Variants in CDKL5 observed in about 807,000 individuals in gnomAD.
CDKL5 encodes cyclin dependent kinase like 5, also known as cyclin-dependent kinase-like 5.
CDKL5 carries 8 observed loss-of-function variants against 61.7 expected under a neutral mutation model. The ratio of observed to expected loss-of-function variants is 0.13; its 90% CI spans 0.08 to 0.23. CDKL5 has a LOEUF of 0.23. Ranked by LOEUF, CDKL5 falls within the 10% of genes least tolerant of loss-of-function variation. The probability of loss-of-function intolerance (pLI) is 1.00; values close to 1 mark genes in which losing one functional copy is unlikely to be tolerated. For missense variants in CDKL5, 440 were observed against 734.5 expected (o/e 0.60, Z 4.63); for synonymous variants, 275 against 272.3 (o/e 1.01, Z -0.10).
At chrX:18,449,644 A>G (rs1331727705) in intron 1 of CDKL5, among the ~76,000 whole-genome samples, 2 of 112,842 alleles carry the variant, frequency 1.8e-5, no homozygotes, top group African/African-American at 3.2e-5. Flanking sequence ...TTCTGGCCGC[A>G]TGGTTTCTCC....
Position 18,454,418 on chromosome X carries a change from G to A in CDKL5, c.-163+28723G>A, listed in dbSNP as rs1474579148. Among the ~76,000 whole-genome samples the A allele has an allele frequency of 3.7e-5, 4 of 108,442 alleles. No individual in the cohort carries two copies. In the Admixed American group the frequency reaches 4.0e-4, roughly 11 times the overall value. 94.2% of individuals were successfully genotyped at this position (108,442 alleles called of 115,157 possible). A position where few individuals can be genotyped will look rare whatever the true frequency, so the allele number is the denominator to read the frequency against. ...TGCCTGGCTAATTTTTGTATCTTTA[G>A]TAGAGACATGGTTTCACTGCGTTGG... On this transcript the variant is annotated intron_variant, in intron 1 of 17. Coordinates refer to ENST00000623535, the MANE Select transcript of CDKL5 (RefSeq NM_001323289.2).
intron 16 of CDKL5, among the ~76,000 whole-genome samples, chrX:18,622,432 C>T (rs1926915388): frequency 8.9e-6 from 1 of 111,971 alleles, no homozygotes; most frequent in East Asian, 2.8e-4. Context: ...TACAGCCTTC[C>T]AAACCTCAGA....
intron 11 of CDKL5, among the ~76,000 whole-genome samples, chrX:18,601,656 T>C (rs1926182274): frequency 8.9e-6 from 1 of 112,544 alleles, no homozygotes; most frequent in African/African-American, 3.2e-5. Flanking sequence ...AGGCTCTTTG[T>C]ACACTTATGG....
At chrX:18,524,088 A>T (rs1305601677) in intron 3 of CDKL5, among the ~76,000 whole-genome samples, 3 of 111,964 alleles carry the variant, frequency 2.7e-5, no homozygotes, top group Non-Finnish European at 5.6e-5. Flanking sequence ...CTACTTGTCA[A>T]ATTGCTCTGG....
At chrX:18,501,555 T>A (rs1030153603) in intron 1 of CDKL5, among the ~76,000 whole-genome samples, 39 of 111,273 alleles carry the variant, frequency 3.5e-4, no homozygotes, top group South Asian at 1.9e-3. Context: ...ATTTTTATTT[T>A]TTTTTATTTT....
intron 3 of CDKL5, among the ~76,000 whole-genome samples, chrX:18,539,971 C>T (rs1243965174): frequency 8.9e-6 from 1 of 112,009 alleles, no homozygotes; most frequent in African/African-American, 3.2e-5. Context: ...AGTATTTCTT[C>T]TACGTACATT....
chrX:18,579,803 C>T (rs956417363), intron 5 of CDKL5, 45 bp from the exon 6 acceptor site: 26 of 1,149,768 alleles, frequency 2.3e-5, no homozygotes, highest in Middle Eastern at 2.4e-4. Flanking sequence ...ACATAATTTA[C>T]GGGCCTACCT....
chrX:18,522,761 T>A (rs1602239440), intron 3 of CDKL5, among the ~76,000 whole-genome samples: 1 of 110,341 alleles, frequency 9.1e-6, no homozygotes, highest in African/African-American at 3.3e-5. Context: ...TTTTTTAAGA[T>A]TGTTTGTTGC....
intron 4 of CDKL5, among the ~76,000 whole-genome samples, chrX:18,574,351 G>T (rs1053990476): frequency 9.0e-6 from 1 of 111,579 alleles, no homozygotes; most frequent in Admixed American, 9.5e-5. Flanking sequence ...TTACCTCTCA[G>T]TGAATTTGCC....
downstream of CDKL5, among the ~76,000 whole-genome samples, chrX:18,643,829 AAT>A (rs755520723): frequency 3.5e-4 from 37 of 105,522 alleles, no homozygotes; most frequent in African/African-American, 4.1e-4. Context: ...ATTCATAGCA[AAT>A]ATATATATAT....
intron 3 of CDKL5, among the ~76,000 whole-genome samples, chrX:18,561,354 T>G (rs1853019867): frequency 9.1e-6 from 1 of 109,476 alleles, no homozygotes; most frequent in South Asian, 3.8e-4. Context: ...GAGCTAAACA[T>G]GAATGCAAAT....
chrX:18,506,097 A>G (rs1436539899), intron 1 of CDKL5, among the ~76,000 whole-genome samples: 2 of 112,724 alleles, frequency 1.8e-5, no homozygotes, highest in Non-Finnish European at 3.7e-5. Flanking sequence ...TTGTTGCTCA[A>G]ATATTCCCGA....
intron 9 of CDKL5, among the ~76,000 whole-genome samples, chrX:18,594,461 T>C (rs1925925363): frequency 1.8e-5 from 2 of 112,510 alleles, no homozygotes; most frequent in Admixed American, 1.9e-4. Context: ...AAACAGGTCA[T>C]TGTAAGAGCA....
rs1302310922 is a variant in CDKL5 at position 18,476,774 on chromosome X, C to CT, written c.-162-30150dup. On this transcript the variant is annotated intron_variant, in intron 1 of 17. Transcript: ENST00000623535. ...TCGCATAGACAACATATAGTTGAAT[C>CT]TTTTTTTTTTTGAGACGGAGTCTCG... is the stretch of plus-strand genomic sequence containing the variant. 5.2e-3 allele frequency among the ~76,000 whole-genome samples: 555 copies of CT among 106,532 alleles called. 3 individuals carry two copies. The highest frequency in any genetic ancestry group is 0.016 in the African/African-American group (487 of 29,629). The allele number at this position is 106,532 out of a possible 115,157, so 92.5% of individuals were successfully genotyped here.
In CDKL5 at chrX:18,631,401, T is replaced by A. The variant is rs1406493490; in HGVS notation, c.*2644T>A. ...TGAACTACAATCTGCATTTCCAGCA[T>A]GCAATTCTCTTCCTGCTCACGGAGG... On this transcript the variant is annotated 3_prime_UTR_variant, in exon 18 of 18. Coordinates refer to ENST00000623535, the MANE Select transcript of CDKL5 (RefSeq NM_001323289.2). 1.3e-6 allele frequency: 1 copy of A among 753,112 alleles called. No individual in the cohort carries two copies. The highest frequency in any genetic ancestry group is 1.6e-6 in the Non-Finnish European group (1 of 639,188). 62.1% of individuals were successfully genotyped at this position (753,112 alleles called of 1,213,427 possible). A position where few individuals can be genotyped will look rare whatever the true frequency, so the allele number is the denominator to read the frequency against.
chrX:18,635,731 G>C lies in CDKL5; in HGVS notation c.*6974G>C, dbSNP rs1446328745. The C allele has an allele frequency of 5.0e-6, 2 of 401,597 alleles. No homozygotes were observed. Among genetic ancestry groups the C allele is most frequent in the African/African-American group, 5.5e-5 (2 of 36,452 alleles). The allele number at this position is 401,597 out of a possible 1,213,427, so 33.1% of individuals were successfully genotyped here. A position where few individuals can be genotyped will look rare whatever the true frequency, so the allele number is the denominator to read the frequency against. On this transcript the variant is annotated 3_prime_UTR_variant, in exon 18 of 18. Coordinates refer to ENST00000623535, the MANE Select transcript of CDKL5 (RefSeq NM_001323289.2). The stretch of plus-strand genomic sequence containing the variant: ...GTAGTTTGAGGAGGATGGGAAGAGA[G>C]GCCAATCTTGTGCTAAGTGCTATGG...
At chrX:18,440,918 G>C (rs760254161) in intron 1 of CDKL5, among the ~76,000 whole-genome samples, 31 of 111,629 alleles carry the variant, frequency 2.8e-4, no homozygotes, top group Admixed American at 5.8e-4. Flanking sequence ...TGGAGAGCCA[G>C]CAACCTGAGA....
rs369976315 is a variant in CDKL5 at position 18,646,129 on chromosome X, C to T, written c.2797+39C>T. ...CCCGCATGCCATCAAGCTGCCATAA[C>T]GACCCTAGACTACTGAATGAAACTT... On this transcript the variant is annotated intron_variant, in intron 20 of 21. Transcript: ENST00000379989. The T allele has an allele frequency of 6.7e-5, 81 of 1,208,683 alleles. No individual in the cohort carries two copies. In the African/African-American group the frequency reaches 1.3e-3, roughly 20 times the overall value.
At chrX:18,505,940 G>A (rs996709228) in intron 1 of CDKL5, among the ~76,000 whole-genome samples, 2 of 112,719 alleles carry the variant, frequency 1.8e-5, no homozygotes, top group African/African-American at 6.4e-5. Flanking sequence ...TTGCCAAATG[G>A]CGATCTTCTA....
Sources: gnomAD v4.1 joint callset for allele counts (sites outside exome capture counted in the v4.1 genomes callset) on GRCh38, gnomAD v4.1.1 for gene constraint, MANE v1.5 for transcripts, NCBI Gene and HGNC (gene_info 2026-07-23, HGNC 2026-07-21) for gene names.